VPS53: variants seen among roughly 807,000 people sequenced by gnomAD.
The protein encoded by VPS53 is vacuolar protein sorting-associated protein 53 homolog.
In VPS53, 70 loss-of-function variants were observed where a neutral mutation model predicts 107.0. The observed-to-expected ratio is 0.65, with a 90% CI of 0.54 to 0.80. The LOEUF (loss-of-function observed/expected upper bound fraction) is 0.80. Among genes scored for constraint, VPS53 ranks in the 30% least tolerant of loss-of-function variants. VPS53 has a pLI of 0.00. For synonymous variants in VPS53, 409 were observed against 393.3 expected, an observed-to-expected ratio of 1.04 and a Z score of -0.47; for missense variants, 917 against 1,049.4, an observed-to-expected ratio of 0.87 and a Z score of 1.74.
At chr17:614,159 G>T (rs1230441280) in intron 11 of VPS53, among the ~76,000 whole-genome samples, 2 of 152,156 alleles carry the variant, frequency 1.3e-5, no homozygotes, top group Non-Finnish European at 2.9e-5. Flanking sequence ...TTTCTTCTGG[G>T]GTAACAGAAA....
chr17:607,394 T>C (rs1968636331), intron 11 of VPS53, among the ~76,000 whole-genome samples: 1 of 152,292 alleles, frequency 6.6e-6, no homozygotes, highest in East Asian at 1.9e-4. Context: ...CTCCTCCCTG[T>C]TGATAAAAGT....
intron 4 of VPS53, among the ~76,000 whole-genome samples, chr17:692,324 T>C (rs1260967108): frequency 1.3e-5 from 2 of 152,116 alleles, no homozygotes; most frequent in East Asian, 3.8e-4. Flanking sequence ...GTTTTAAACG[T>C]GGGCATTTAA....
rs774471558 is a variant in VPS53, at chr17:560,597, G to A, written c.1557-24C>T. On this transcript the variant is annotated intron_variant, in intron 14 of 21. Transcript: ENST00000437048. ...TTCTGAAGAAAAGGAACAGGAACAA[G>A]TCAGCATGGAATTTCTAATTTGCTT... 9 of 1,604,418 alleles carry A rather than the reference G, an allele frequency of 5.6e-6. No individual in the cohort carries two copies. The African/African-American group carries it at 1.1e-4, about 19-fold the overall frequency.
intron 13 of VPS53, among the ~76,000 whole-genome samples, chr17:567,343 C>T (rs1057369152): frequency 6.6e-6 from 1 of 152,160 alleles, no homozygotes; most frequent in African/African-American, 2.4e-5. Flanking sequence ...AAACCTTCCC[C>T]TGCCTTCCAT....
At chr17:692,485 ACT>A (rs1972810595) in intron 4 of VPS53, among the ~76,000 whole-genome samples, 1 of 152,056 alleles carries the variant, frequency 6.6e-6, no homozygotes, top group Non-Finnish European at 1.5e-5. Flanking sequence ...AAAAACAAAG[ACT>A]CTGCAAACGT....
chr17:566,884 C>T (rs1483519564), intron 13 of VPS53, among the ~76,000 whole-genome samples: 1 of 152,002 alleles, frequency 6.6e-6, no homozygotes, highest in African/African-American at 2.4e-5. Context: ...GCTGGGACTA[C>T]CGGCACACAC....
rs1347303255 is a variant in VPS53 at position 638,098 on chromosome 17, C to T, written c.609-6470G>A. The stretch of plus-strand genomic sequence containing the variant: ...GACTTGCTTTATGAATCTGCGTACT[C>T]CTGTATTGGGTGCATATATATTTAG... On this transcript the variant is annotated intron_variant, in intron 7 of 21. Coordinates refer to ENST00000437048, the MANE Select transcript of VPS53 (RefSeq NM_001128159.3). Among the ~76,000 whole-genome samples, 6 of 152,172 alleles carry T rather than the reference C, an allele frequency of 3.9e-5. No individual in the cohort carries two copies. The East Asian group carries it at 1.2e-3, about 29-fold the overall frequency.
chr17:598,151 C>A (rs1283680206), intron 12 of VPS53, among the ~76,000 whole-genome samples: 1 of 152,342 alleles, frequency 6.6e-6, no homozygotes, highest in South Asian at 2.1e-4. Context: ...TTGGTGGAGA[C>A]GGGGTTTCGC....
intron 10 of VPS53, among the ~76,000 whole-genome samples, chr17:626,973 C>T (rs898561361): frequency 3.9e-5 from 6 of 152,102 alleles, no homozygotes; most frequent in Non-Finnish European, 7.3e-5. Context: ...GCAAGAACTA[C>T]ACCACGGAAA....
chr17:627,549 C>T (rs539521252), intron 9 of VPS53, among the ~76,000 whole-genome samples: 6 of 152,152 alleles, frequency 3.9e-5, no homozygotes, highest in South Asian at 2.1e-4. Flanking sequence ...AGGCCGAGGT[C>T]AGCAGATCAC....
At chr17:699,221 G>T in intron 3 of VPS53, 110 bp downstream of exon 3, 3 of 774,282 alleles carry the variant, frequency 3.9e-6, no homozygotes, top group Non-Finnish European at 5.7e-6. Flanking sequence ...ACCATCTATG[G>T]CAAACTTGAG....
intron 8 of VPS53, among the ~76,000 whole-genome samples, chr17:631,036 CA>C (rs892295521): frequency 2.0e-5 from 3 of 152,030 alleles, no homozygotes; most frequent in African/African-American, 7.3e-5. Flanking sequence ...GTGGGCTTTG[CA>C]GACACAACAC....
intron 6 of VPS53, 99 bp downstream of exon 6, chr17:655,739 G>A: frequency 1.7e-6 from 2 of 1,144,402 alleles, no homozygotes; most frequent in Non-Finnish European, 2.4e-6. Context: ...GGGCAGGATG[G>A]TGAGACTTTC....
At chr17:695,184 T>C (rs1032470164) in intron 4 of VPS53, among the ~76,000 whole-genome samples, 2 of 152,208 alleles carry the variant, frequency 1.3e-5, no homozygotes, top group Non-Finnish European at 1.5e-5. Flanking sequence ...GTGGGATTTA[T>C]GGAGAAAGGA....
At chr17:624,992 C>G (rs1297298248) in intron 10 of VPS53, among the ~76,000 whole-genome samples, 1 of 113,030 alleles carries the variant, frequency 8.8e-6, no homozygotes, top group Non-Finnish European at 1.7e-5. Flanking sequence ...CTTTCTCTCT[C>G]TTCTTTTTTT....
At chr17:669,698 C>T (rs1971858191) in intron 4 of VPS53, among the ~76,000 whole-genome samples, 1 of 151,126 alleles carries the variant, frequency 6.6e-6, no homozygotes, top group Admixed American at 6.6e-5. Flanking sequence ...TCAAGACCAT[C>T]CTGCCCAACA....
intron 4 of VPS53, among the ~76,000 whole-genome samples, chr17:663,448 C>G: frequency 6.6e-6 from 1 of 151,346 alleles, no homozygotes; most frequent in South Asian, 2.1e-4. Flanking sequence ...AGCTAAAGTA[C>G]CTGTGAGTGC....
At chr17:559,184 T>C (rs1912717136) in intron 15 of VPS53, among the ~76,000 whole-genome samples, 1 of 152,156 alleles carries the variant, frequency 6.6e-6, no homozygotes, top group Non-Finnish European at 1.5e-5. Flanking sequence ...TGAATTAAGA[T>C]TGTAACATTC....
At chr17:597,962 C>CTCTCCCTACGG (rs1968060814) in intron 12 of VPS53, among the ~76,000 whole-genome samples, 1 of 141,308 alleles carries the variant, frequency 7.1e-6, no homozygotes, top group South Asian at 2.3e-4. Context: ...CTCCCTCTCC[C>CTCTCCCTACGG]TCTCCCTCTC....
Sources: gnomAD v4.1 joint callset for allele counts (sites outside exome capture counted in the v4.1 genomes callset) on GRCh38, gnomAD v4.1.1 for gene constraint, MANE v1.5 for transcripts, NCBI Gene and HGNC (gene_info 2026-07-23, HGNC 2026-07-21) for gene names.